The following NRXN1 variants were observed in gnomAD, a reference collection of about 807,000 sequenced individuals.
NRXN1 encodes neurexin-1.
In NRXN1, 39 loss-of-function variants were observed where a neutral mutation model predicts 150.9. The observed-to-expected ratio is 0.26, with a 90% CI of 0.20 to 0.34. NRXN1 has a LOEUF of 0.34. Ranked by LOEUF, NRXN1 falls within the 10% of genes least tolerant of loss-of-function variation. The pLI, the probability that NRXN1 is intolerant of heterozygous loss-of-function variation, is 1.00. For missense variants in NRXN1, 1,815 were observed against 1,949.9 expected, an observed-to-expected ratio of 0.93 and a Z score of 1.30; for synonymous variants, 924 against 757.0, an observed-to-expected ratio of 1.22 and a Z score of -3.62.
intron 18 of NRXN1, among the ~76,000 whole-genome samples, chr2:50,230,949 G>A (rs1212182994): frequency 6.6e-6 from 1 of 151,916 alleles, no homozygotes; most frequent in African/African-American, 2.4e-5. Context: ...TACAATACAT[G>A]GTGAAAAGGC....
At chr2:49,947,510 T>C (rs1315023795) in intron 21 of NRXN1, among the ~76,000 whole-genome samples, 2 of 145,296 alleles carry the variant, frequency 1.4e-5, no homozygotes, top group East Asian at 2.0e-4. Context: ...TTTCTTTTTT[T>C]TTTCTTTTTT....
chr2:50,803,737 C>CATAAGGG lies in NRXN1; in HGVS notation c.832+118125_832+118131dup, dbSNP rs1667131616. ...CATATCATCTTTAGTTATATAAGGT[C>CATAAGGG]ATAAGGGATACTTACGTTCAAGATC... On this transcript the variant is annotated intron_variant, in intron 5 of 22. Transcript: ENST00000401669. Among the ~76,000 whole-genome samples, 6 of 152,110 alleles carry CATAAGGG rather than the reference C, an allele frequency of 3.9e-5. 1 individual carries two copies. In the South Asian group the frequency reaches 1.2e-3, roughly 31 times the overall value.
intron 5 of NRXN1, among the ~76,000 whole-genome samples, chr2:50,650,528 C>T (rs1010842101): frequency 1.3e-5 from 2 of 152,038 alleles, no homozygotes; most frequent in African/African-American, 2.4e-5. Flanking sequence ...CAGTATTTTA[C>T]CTCAGTCTTT....
chr2:50,898,379 T>G (rs1355962601), intron 5 of NRXN1, among the ~76,000 whole-genome samples: 1 of 152,182 alleles, frequency 6.6e-6, no homozygotes, highest in African/African-American at 2.4e-5. Flanking sequence ...CTTCTATCTG[T>G]AGCCCTTTTC....
chr2:50,759,383 A>G (rs1255478949), intron 5 of NRXN1, among the ~76,000 whole-genome samples: 1 of 151,870 alleles, frequency 6.6e-6, no homozygotes, highest in African/African-American at 2.4e-5. Flanking sequence ...GTATCTTTTT[A>G]TCTTGGGCTT....
chr2:50,122,145 CA>C (rs893075572), intron 18 of NRXN1, among the ~76,000 whole-genome samples: 65 of 150,096 alleles, frequency 4.3e-4, no homozygotes, highest in Admixed American at 1.9e-3. Flanking sequence ...AATATCCCTT[CA>C]AAAAAAAAAT....
chr2:50,563,970 C>T (rs1304667848), intron 8 of NRXN1, among the ~76,000 whole-genome samples: 1 of 152,168 alleles, frequency 6.6e-6, no homozygotes, highest in African/African-American at 2.4e-5. Context: ...TTTTTAGCAA[C>T]TGCAATGAGA....
intron 22 of NRXN1, among the ~76,000 whole-genome samples, chr2:49,936,837 C>CACACAT: frequency 6.6e-6 from 1 of 152,052 alleles, no homozygotes; most frequent in East Asian, 1.9e-4. Flanking sequence ...CACACACACA[C>CACACAT]ACACATATGA....
intron 18 of NRXN1, among the ~76,000 whole-genome samples, chr2:50,109,153 CTTT>C (rs1220717175): frequency 6.6e-6 from 1 of 151,948 alleles, no homozygotes; most frequent in East Asian, 1.9e-4. Flanking sequence ...ATGTTATTTT[CTTT>C]GTGTTAGAAA....
intron 18 of NRXN1, among the ~76,000 whole-genome samples, chr2:50,233,952 A>C (rs1280771117): frequency 6.6e-6 from 1 of 151,894 alleles, no homozygotes; most frequent in Admixed American, 6.6e-5. Context: ...TGCTTCTATC[A>C]CCCCCAGGCA....
intron 21 of NRXN1, among the ~76,000 whole-genome samples, chr2:50,033,108 G>T (rs572957689): frequency 5.3e-5 from 8 of 151,586 alleles, no homozygotes; most frequent in Admixed American, 4.6e-4. Context: ...GTACCATGAG[G>T]GCAGGAATTT....
intron 18 of NRXN1, among the ~76,000 whole-genome samples, chr2:50,180,086 A>G (rs2060605176): frequency 6.6e-6 from 1 of 152,074 alleles, no homozygotes; most frequent in Middle Eastern, 3.2e-3. Context: ...CAGTGGTTCA[A>G]TCAGACCTCA....
Position 50,111,112 on chromosome 2 carries a change from C to T in NRXN1, c.3547-19618G>A, listed in dbSNP as rs555331381. ...CGTTATTTTAGATTGTCCCGTGATA[C>T]ACTGGGGGCAACTAGCGAAAGAAAT... is the stretch of plus-strand genomic sequence containing the variant. On this transcript the variant is annotated intron_variant, in intron 18 of 22. Coordinates refer to ENST00000401669, the MANE Select transcript of NRXN1 (RefSeq NM_001330078.2). Among the ~76,000 whole-genome samples the T allele has an allele frequency of 2.4e-4, 36 of 152,214 alleles. 1 individual carries two copies. The highest frequency in any genetic ancestry group is 6.8e-3 in the Middle Eastern group (2 of 292).
At position 50,272,347 on chromosome 2, in the gene NRXN1, G is replaced by T. The variant is rs80202652; in HGVS notation, c.3365-35377C>A. 7.6e-3 allele frequency among the ~76,000 whole-genome samples: 1,160 copies of T among 152,266 alleles called. 19 individuals carry two copies. The highest frequency in any genetic ancestry group is 0.027 in the African/African-American group (1,110 of 41,570). On this transcript the variant is annotated intron_variant, in intron 17 of 22. Coordinates refer to ENST00000401669, the MANE Select transcript of NRXN1 (RefSeq NM_001330078.2). Reference sequence around the variant, plus strand: ...GTGTTTTGGTAAGGGTGGAGAAAGAGACAGTAGGAGAAACGTAGCTGACTG... The same window carrying T: ...GTGTTTTGGTAAGGGTGGAGAAAGATACAGTAGGAGAAACGTAGCTGACTG...
intron 21 of NRXN1, among the ~76,000 whole-genome samples, chr2:50,035,896 T>G (rs1357222282): frequency 6.6e-6 from 1 of 152,126 alleles, no homozygotes; most frequent in Non-Finnish European, 1.5e-5. Context: ...AGTTCACCGA[T>G]GAATACTTCT....
At chr2:50,283,581 C>T (rs946086971) in intron 17 of NRXN1, among the ~76,000 whole-genome samples, 1 of 152,084 alleles carries the variant, frequency 6.6e-6, no homozygotes, top group Non-Finnish European at 1.5e-5. Context: ...TTGACACAAT[C>T]GTTAATTAGT....
At chr2:49,945,928 G>A (rs1481241121) in intron 21 of NRXN1, among the ~76,000 whole-genome samples, 3 of 152,088 alleles carry the variant, frequency 2.0e-5, no homozygotes, top group African/African-American at 7.2e-5. Flanking sequence ...GGGTCAAATG[G>A]TATTTCTGGT....
At chr2:50,156,508 T>C (rs1035132599) in intron 18 of NRXN1, among the ~76,000 whole-genome samples, 1 of 151,960 alleles carries the variant, frequency 6.6e-6, no homozygotes, top group Non-Finnish European at 1.5e-5. Context: ...TACCTCAATG[T>C]TCAAACATGT....
At chr2:50,963,373 T>C (rs972552849) in intron 2 of NRXN1, among the ~76,000 whole-genome samples, 1 of 151,576 alleles carries the variant, frequency 6.6e-6, no homozygotes, top group African/African-American at 2.4e-5. Flanking sequence ...TTCACTTTCC[T>C]CCTTTCATTC....
Sources: allele counts gnomAD v4.1 joint callset (sites outside exome capture counted in the v4.1 genomes callset), GRCh38; gene constraint gnomAD v4.1.1; transcripts MANE v1.5; gene names NCBI Gene and HGNC (gene_info 2026-07-23, HGNC 2026-07-21).